The following SYTL1 variants were observed in gnomAD, a reference collection of about 807,000 sequenced individuals.
SYTL1 encodes synaptotagmin like 1.
A neutral mutation model predicts 74.6 loss-of-function variants in SYTL1; 53 were observed. The observed-to-expected ratio is 0.71, with a 90% CI of 0.57 to 0.89. The LOEUF is 0.89. Among genes scored for constraint, SYTL1 ranks in the 40% least tolerant of loss-of-function variants. The pLI is 0.00. For synonymous variants in SYTL1, 329 were observed against 324.9 expected (o/e 1.01, Z -0.14); for missense variants, 728 against 768.7 (o/e 0.95, Z 0.63).
chr1:27,353,590 A>T, intron 14 of SYTL1, 102 bp downstream of exon 14: 1 of 1,534,730 alleles, frequency 6.5e-7, no homozygotes, highest in Non-Finnish European at 8.9e-7. Context: ...CTGAGCTTTG[A>T]TATCTACTGA....
chr1:27,347,721 G>A lies in SYTL1; in HGVS notation c.341-87G>A, dbSNP rs1391615061. 16 of 1,487,602 alleles carry A rather than the reference G, an allele frequency of 1.1e-5. No individual in the cohort carries two copies. The Admixed American group carries it at 1.8e-4, about 17-fold the overall frequency. The allele number at this position is 1,487,602 out of a possible 1,614,324, so 92.2% of individuals were successfully genotyped here. A position where few individuals can be genotyped will look rare whatever the true frequency, so the allele number is the denominator to read the frequency against. ...GGCAATGCCCCTCCGTGGGCATGGGGTGGGTGGGTATCTCCCAGGGCCTCT... is the reference window on the plus strand; with the variant it reads ...GGCAATGCCCCTCCGTGGGCATGGGATGGGTGGGTATCTCCCAGGGCCTCT... On this transcript the variant is annotated intron_variant, in intron 3 of 14. Coordinates refer to ENST00000616558, the MANE Select transcript of SYTL1 (RefSeq NM_001193308.2). This position sits in a 1 kb window ranked among gnomAD's most constrained non-coding sequence, Gnocchi z 4.9.
At position 27,350,042 on chromosome 1, in the gene SYTL1, C is replaced by T. The variant is rs1361117328; in HGVS notation, c.818C>T (p.Ala273Val). 4 of 1,529,736 alleles carry T rather than the reference C, an allele frequency of 2.6e-6. No homozygotes were observed. The highest frequency in any genetic ancestry group is 3.5e-6 in the Non-Finnish European group (4 of 1,148,168). 94.8% of individuals were successfully genotyped at this position (1,529,736 alleles called of 1,614,324 possible). A position where few individuals can be genotyped will look rare whatever the true frequency, so the allele number is the denominator to read the frequency against. Residue 273 changes from alanine to valine, a missense_variant, in exon 9 of 15, where the codon GCG (alanine) becomes GTG (valine). By Grantham distance (64) the Ala-to-Val change is moderately conservative. Coordinates refer to ENST00000616558, the MANE Select transcript of SYTL1 (RefSeq NM_001193308.2). The surrounding 1 kb of genome is among the most constrained non-coding windows in gnomAD (Gnocchi z 6.3). ...AVQVRGSVHF[A>V]LHYEPGAAEL... ...CAGGTCCGCGGCTCCGTGCACTTCG[C>T]GCTGCACTACGAGCCGGGCGCCGCC...
Position 27,350,451 on chromosome 1 carries a change from G to C in SYTL1, c.971G>C (p.Arg324Pro), listed in dbSNP as rs761181092. The C allele has an allele frequency of 3.1e-6, 5 of 1,614,050 alleles. No homozygotes were observed. The highest frequency in any genetic ancestry group is 4.2e-6 in the Non-Finnish European group (5 of 1,180,002). Reference sequence around the variant, plus strand: ...AAGCGCAAGACGGCGGTGAAGAAACGGAATCTGAATCCGGTTTTCAACGAG... The same window carrying C: ...AAGCGCAAGACGGCGGTGAAGAAACCGAATCTGAATCCGGTTTTCAACGAG... The part of the protein sequence containing the change: ...QSKRKTAVKK[R>P]NLNPVFNETL... Residue 324 changes from arginine to proline, a missense_variant, in exon 10 of 15, where the codon CGG (arginine) becomes CCG (proline). Coordinates refer to ENST00000616558, the MANE Select transcript of SYTL1 (RefSeq NM_001193308.2). The surrounding 1 kb of genome is among the most constrained non-coding windows in gnomAD (Gnocchi z 6.3).
At position 27,347,899 on chromosome 1, in the gene SYTL1, A is replaced by C; in HGVS notation, c.413+19A>C. 1 of 1,614,046 alleles carries C rather than the reference A, an allele frequency of 6.2e-7. No individual in the cohort carries two copies. The highest frequency in any genetic ancestry group is 8.5e-7 in the Non-Finnish European group (1 of 1,179,948). ...AGCCCAGGTGAGGAGGAGTCTCAGG[A>C]AGGGGGAGATGGTGCCCACCAGTCA... On this transcript the variant is annotated intron_variant, in intron 4 of 14. Coordinates refer to ENST00000616558, the MANE Select transcript of SYTL1 (RefSeq NM_001193308.2). The surrounding 1 kb of genome is among the most constrained non-coding windows in gnomAD (Gnocchi z 4.9).
intron 6 of SYTL1, 104 bp from the exon 7 acceptor site, chr1:27,349,294 C>A: frequency 2.1e-6 from 3 of 1,461,062 alleles, no homozygotes; most frequent in Non-Finnish European, 2.7e-6. Flanking sequence ...AGGGCAGCAC[C>A]GGGGCCTGAA....
Position 27,349,148 on chromosome 1 carries a change from G to A in SYTL1, c.528G>A (p.Gln176=), listed in dbSNP as rs971781614. ...ASDPEEASQA[Q]EDPGQGDQQV... ...ATCCTGAGGAGGCGTCCCAGGCCCA[G>A]GAAGGTGAGTGGGAGCGCCTGTTGG... Residue 176 remains glutamine, a synonymous_variant, in exon 6 of 15, where the codon CAG becomes CAA. Transcript: ENST00000616558. 4 of 1,613,818 alleles carry A rather than the reference G, an allele frequency of 2.5e-6. No individual in the cohort carries two copies. The African/African-American group carries it at 5.3e-5, about 22-fold the overall frequency.
chr1:27,342,092 G>C lies in SYTL1; in HGVS notation c.-97G>C, dbSNP rs41291084. ...GCTCTTCTCCCGGTCCCTGAAACTC[G>C]GCTGCCAGGGGAGCTGGAGCCACCT... On this transcript the variant is annotated 5_prime_UTR_variant, in exon 1 of 15. Coordinates refer to ENST00000616558, the MANE Select transcript of SYTL1 (RefSeq NM_001193308.2). The surrounding 1 kb of genome is among the most constrained non-coding windows in gnomAD (Gnocchi z 4.7). 1.3e-5 allele frequency: 2 copies of C among 152,304 alleles called. No homozygotes were observed. Among genetic ancestry groups the C allele is most frequent in the Non-Finnish European group, 2.9e-5 (2 of 68,150 alleles). 9.4% of individuals were successfully genotyped at this position (152,304 alleles called of 1,614,324 possible). A position where few individuals can be genotyped will look rare whatever the true frequency, so the allele number is the denominator to read the frequency against.
intron 13 of SYTL1, chr1:27,352,456 T>A (rs2015315176): frequency 6.6e-6 from 1 of 152,086 alleles, no homozygotes; most frequent in South Asian, 2.1e-4. Flanking sequence ...GACATTGCTC[T>A]GCAGCCCTGT....
At chr1:27,349,216 G>T in intron 6 of SYTL1, 64 bp downstream of exon 6, 1 of 1,564,694 alleles carries the variant, frequency 6.4e-7, no homozygotes, top group Non-Finnish European at 8.7e-7. Context: ...GCTCTAAGGG[G>T]CCCCAACCAC....
In SYTL1 at chr1:27,353,491, A is replaced by G; in HGVS notation, c.1549+3A>G. 1 of 1,593,744 alleles carries G rather than the reference A, an allele frequency of 6.3e-7. No homozygotes were observed. The highest frequency in any genetic ancestry group is 8.5e-7 in the Non-Finnish European group (1 of 1,170,692). On this transcript the variant is annotated splice_donor_region_variant and intron_variant, in intron 14 of 14. Transcript: ENST00000616558. The stretch of plus-strand genomic sequence containing the variant: ...CACACGCCTCAGCCTGGGCACCGGT[A>G]AGTGGGACAGCACCCTGAGACAGGC...
intron 13 of SYTL1, 155 bp from the exon 14 acceptor site, chr1:27,353,127 TG>T: frequency 2.8e-6 from 2 of 722,880 alleles, no homozygotes; most frequent in Non-Finnish European, 4.6e-6. Context: ...GAGAGGAGGC[TG>T]GTGCAAAGGT....
rs1353181828 is a variant in SYTL1, at chr1:27,345,447, C to T, written c.113C>T (p.Thr38Ile). Residue 38 changes from threonine to isoleucine, a missense_variant, in exon 2 of 15, where the codon ACA (threonine) becomes ATA (isoleucine). Coordinates refer to ENST00000616558, the MANE Select transcript of SYTL1 (RefSeq NM_001193308.2). This position sits in a 1 kb window ranked among gnomAD's most constrained non-coding sequence, Gnocchi z 6.0. ...GGACTGTTGGACCTCAGCTTCCTGA[C>T]AGAGGAGGAGCAGGAGGCCATTGCT... is the stretch of plus-strand genomic sequence containing the variant. ...TEGLLDLSFL[T>I]EEEQEAIAGV... 5 of 1,562,868 alleles carry T rather than the reference C, an allele frequency of 3.2e-6. No homozygotes were observed. Among genetic ancestry groups the T allele is most frequent in the Non-Finnish European group, 3.5e-6 (4 of 1,152,768 alleles).
In SYTL1 at chr1:27,347,883, G is replaced by A. The variant is rs1397779087; in HGVS notation, c.413+3G>A. 6.2e-7 allele frequency: 1 copy of A among 1,614,180 alleles called. No homozygotes were observed. The highest frequency in any genetic ancestry group is 1.1e-5 in the South Asian group (1 of 91,084). Reference sequence around the variant, plus strand: ...AAGGAAGAGGGGCCAGAGCCCAGGTGAGGAGGAGTCTCAGGAAGGGGGAGA... The same window carrying A: ...AAGGAAGAGGGGCCAGAGCCCAGGTAAGGAGGAGTCTCAGGAAGGGGGAGA... On this transcript the variant is annotated splice_donor_region_variant and intron_variant, in intron 4 of 14. Transcript: ENST00000616558. This position sits in a 1 kb window ranked among gnomAD's most constrained non-coding sequence, Gnocchi z 4.9.
chr1:27,347,608 G>A lies in SYTL1; in HGVS notation c.340+39G>A, dbSNP rs148471214. On this transcript the variant is annotated intron_variant, in intron 3 of 14. Coordinates refer to ENST00000616558, the MANE Select transcript of SYTL1 (RefSeq NM_001193308.2). The surrounding 1 kb of genome is among the most constrained non-coding windows in gnomAD (Gnocchi z 4.9). ...CTCGGGGCAGGGCAAGCCATGTGCCGTCCAGGGCGCTGGCTGTATGTGGAC... is the reference window on the plus strand; with the variant it reads ...CTCGGGGCAGGGCAAGCCATGTGCCATCCAGGGCGCTGGCTGTATGTGGAC... 1.7e-4 allele frequency: 277 copies of A among 1,606,004 alleles called. 1 individual carries two copies. The highest frequency in any genetic ancestry group is 2.2e-4 in the Non-Finnish European group (262 of 1,175,706).
In SYTL1 at chr1:27,350,902, G is replaced by C; in HGVS notation, c.1114G>C (p.Asp372His). ...IFLGEVEVPL[D>H]TWDWGSEPTW... is the part of the protein sequence containing the mutation. ...TCTGGGCGAAGTTGAAGTGCCCCTG[G>C]ACACGTGGGACTGGGGCTCTGAGCC... The change falls in exon 11 of 15, where the codon GAC becomes CAC. Residue 372 changes from aspartate (D) to histidine (H), a missense_variant. By Grantham distance (81) the Asp-to-His change is moderately conservative. Coordinates refer to ENST00000616558, the MANE Select transcript of SYTL1 (RefSeq NM_001193308.2). This position sits in a 1 kb window ranked among gnomAD's most constrained non-coding sequence, Gnocchi z 6.3. 6.2e-7 allele frequency: 1 copy of C among 1,613,654 alleles called. No individual in the cohort carries two copies.
Position 27,349,730 on chromosome 1 carries a change from A to T in SYTL1, c.712A>T (p.Ser238Cys). ...PDPSLDRMLSSSSSVSSLNSS... is the reference protein window; with the variant it reads ...PDPSLDRMLSCSSSVSSLNSS... ...CCCCTCTCTCGACCGCATGCTCAGC[A>T]GCAGCTCCTCGGTGTCCAGCCTTAA... Residue 238 changes from serine (S) to cysteine (C), a missense_variant, in exon 8 of 15, where the codon AGC becomes TGC. Ser to Cys is a moderately radical substitution (Grantham distance 112, BLOSUM62 -1). Coordinates refer to ENST00000616558, the MANE Select transcript of SYTL1 (RefSeq NM_001193308.2). 1 of 1,609,424 alleles carries T rather than the reference A, an allele frequency of 6.2e-7. No individual in the cohort carries two copies. Among genetic ancestry groups the T allele is most frequent in the Non-Finnish European group, 8.5e-7 (1 of 1,179,256 alleles).
Position 27,351,386 on chromosome 1 carries a change from G to C in SYTL1, c.1243+50G>C, listed in dbSNP as rs752148296. 1 of 1,511,112 alleles carries C rather than the reference G, an allele frequency of 6.6e-7. No individual in the cohort carries two copies. Among genetic ancestry groups the C allele is most frequent in the Admixed American group, 2.1e-5 (1 of 47,140 alleles). 93.6% of individuals were successfully genotyped at this position (1,511,112 alleles called of 1,614,324 possible). On this transcript the variant is annotated intron_variant, in intron 12 of 14. Coordinates refer to ENST00000616558, the MANE Select transcript of SYTL1 (RefSeq NM_001193308.2). This position sits in a 1 kb window ranked among gnomAD's most constrained non-coding sequence, Gnocchi z 5.0. The stretch of plus-strand genomic sequence containing the variant: ...GCTGGACACGCCCTGAAAAGCGGGA[G>C]ACTCCAGTCCCCGGGTTTGGGGGCG...
Position 27,351,103 on chromosome 1 carries a change from C to A in SYTL1, c.1164+151C>A. 1 of 1,319,078 alleles carries A rather than the reference C, an allele frequency of 7.6e-7. No homozygotes were observed. The highest frequency in any genetic ancestry group is 1.0e-6 in the Non-Finnish European group (1 of 970,838). 81.7% of individuals were successfully genotyped at this position (1,319,078 alleles called of 1,614,324 possible). A position where few individuals can be genotyped will look rare whatever the true frequency, so the allele number is the denominator to read the frequency against. ...TGGCCCCAGGCGAAGCCCGGCCGGCCACGGCCCCTTCCCCGAGGGCGCTAG... is the reference window on the plus strand; with the variant it reads ...TGGCCCCAGGCGAAGCCCGGCCGGCAACGGCCCCTTCCCCGAGGGCGCTAG... On this transcript the variant is annotated intron_variant, in intron 11 of 14. Coordinates refer to ENST00000616558, the MANE Select transcript of SYTL1 (RefSeq NM_001193308.2). The surrounding 1 kb of genome is among the most constrained non-coding windows in gnomAD (Gnocchi z 5.0).
rs777885753 is a variant in SYTL1, at chr1:27,347,889, G to T, written c.413+9G>T. On this transcript the variant is annotated intron_variant, in intron 4 of 14. Transcript: ENST00000616558. This position sits in a 1 kb window ranked among gnomAD's most constrained non-coding sequence, Gnocchi z 4.9. ...GAGGGGCCAGAGCCCAGGTGAGGAG[G>T]AGTCTCAGGAAGGGGGAGATGGTGC... The T allele has an allele frequency of 8.1e-6, 13 of 1,614,154 alleles. No individual in the cohort carries two copies. Among genetic ancestry groups the T allele is most frequent in the East Asian group, 2.2e-5 (1 of 44,886 alleles).
Sources: allele counts gnomAD v4.1 joint callset, GRCh38; gene constraint gnomAD v4.1.1; non-coding constraint Gnocchi (gnomAD v3.1); transcripts MANE v1.5; gene names NCBI Gene and HGNC (gene_info 2026-07-23, HGNC 2026-07-21).